Variants in MYO18A observed in about 807,000 individuals in gnomAD.
MYO18A encodes the protein unconventional myosin-XVIIIa.
In MYO18A, 78 loss-of-function variants were observed where a neutral mutation model predicts 235.8. That is an observed-to-expected ratio of 0.33 (90% confidence interval 0.28 to 0.40). MYO18A has a LOEUF of 0.40. Among genes scored for constraint, MYO18A ranks in the 10% least tolerant of loss-of-function variants. The pLI, the probability that MYO18A is intolerant of heterozygous loss-of-function variation, is 1.00. For synonymous variants in MYO18A, 977 were observed against 1,077.8 expected, an observed-to-expected ratio of 0.91 and a Z score of 1.83; for missense variants, 2,215 against 2,699.3, an observed-to-expected ratio of 0.82 and a Z score of 3.98.
chr17:29,152,865 T>C (rs1007338075), intron 2 of MYO18A, among the ~76,000 whole-genome samples: 3 of 151,066 alleles, frequency 2.0e-5, no homozygotes, highest in African/African-American at 4.9e-5. Context: ...AGGACAGGCA[T>C]GCACCACCAC....
chr17:29,136,472 T>C (rs2067606515), intron 2 of MYO18A, among the ~76,000 whole-genome samples: 1 of 152,044 alleles, frequency 6.6e-6, no homozygotes, highest in Non-Finnish European at 1.5e-5. Context: ...TGACTTGTTC[T>C]CTCTCTAGAG....
chr17:29,115,009 G>T lies in MYO18A; in HGVS notation c.2409C>A (p.Arg803=). 2 of 1,613,962 alleles carry T rather than the reference G, an allele frequency of 1.2e-6. No homozygotes were observed. Among genetic ancestry groups the T allele is most frequent in the South Asian group, 2.2e-5 (2 of 91,072 alleles). Reference sequence around the variant, plus strand: ...GGCACAGCTCCTCAAAGGAGGCTCCGCGGGCTGACCCACCCTGCTCAGGGT... The same window carrying T: ...GGCACAGCTCCTCAAAGGAGGCTCCTCGGGCTGACCCACCCTGCTCAGGGT... ...FQNPEQGGSA[R]GASFEELCHN... is the part of the protein sequence containing the mutation. Residue 803 remains arginine, a synonymous_variant, in exon 14 of 42, where the codon CGC becomes CGA. Coordinates refer to ENST00000527372, the MANE Select transcript of MYO18A (RefSeq NM_078471.4).
chr17:29,166,001 T>C lies in MYO18A; in HGVS notation c.940A>G (p.Ser314Gly), dbSNP rs1478716174. ...RLKVQPIPEL[S>G]ELSRSWLRSG... ...CGCAGCCAGCTCCTGCTGAGCTCGC[T>C]GAGCTCTGGAATGGGCTGCACCTTG... The change falls in exon 2 of 42, where the codon AGC becomes GGC. Residue 314 changes from serine (S) to glycine (G), a missense_variant. Physicochemically the swap from Ser to Gly is moderately conservative, Grantham distance 56 (BLOSUM62 0). Coordinates refer to ENST00000527372, the MANE Select transcript of MYO18A (RefSeq NM_078471.4). 2.5e-6 allele frequency: 4 copies of C among 1,613,476 alleles called. No individual in the cohort carries two copies. In the South Asian group the frequency reaches 4.4e-5, roughly 18 times the overall value.
Position 29,090,898 on chromosome 17 carries a change from C to T in MYO18A, c.5216G>A (p.Arg1739His), listed in dbSNP as rs199562933. The change falls in exon 35 of 42, where the codon CGT (arginine) becomes CAT (histidine). Residue 1739 changes from arginine (R) to histidine (H), a missense_variant. Coordinates refer to ENST00000527372, the MANE Select transcript of MYO18A (RefSeq NM_078471.4). ...CCGGTTCTGGATCTCATTCTTCTCA[C>T]GCTGAAGGCGGCTCAGCTGCTCCTC... ...ALEEQLSRLQ[R>H]EKNEIQNRLE... 365 of 1,614,014 alleles carry T rather than the reference C, an allele frequency of 2.3e-4. No homozygotes were observed. The highest frequency in any genetic ancestry group is 6.1e-4 in the African/African-American group (46 of 75,068).
rs1416320009 is a variant in MYO18A, at chr17:29,099,614, G to A, written c.3636+20C>T. ...GCCCATCTAGGTTGGGGAGGGGGAG[G>A]GATGTCTCTAGAGCAGCACCTTTCT... On this transcript the variant is annotated intron_variant, in intron 22 of 41. Coordinates refer to ENST00000527372, the MANE Select transcript of MYO18A (RefSeq NM_078471.4). 1.2e-6 allele frequency: 2 copies of A among 1,608,540 alleles called. No homozygotes were observed. Among genetic ancestry groups the A allele is most frequent in the African/African-American group, 1.3e-5 (1 of 74,876 alleles).
intron 2 of MYO18A, among the ~76,000 whole-genome samples, chr17:29,149,747 A>T (rs1878268168): frequency 6.6e-6 from 1 of 152,070 alleles, no homozygotes; most frequent in Admixed American, 6.5e-5. Context: ...GGGACTTCCA[A>T]ATTGCCTCTG....
intron 1 of MYO18A, 101 bp from the exon 2 acceptor site, chr17:29,167,122 C>G: frequency 1.2e-6 from 1 of 804,232 alleles, no homozygotes; most frequent in East Asian, 2.7e-5. Flanking sequence ...TCACTGGGTG[C>G]TAGCTATGTG....
rs1159749896 is a variant in MYO18A, at chr17:29,086,517, C to T, written c.5773G>A (p.Ala1925Thr). The change falls in exon 39 of 42, where the codon GCA becomes ACA. Residue 1925 changes from alanine (A) to threonine (T), a missense_variant. Physicochemically the swap from Ala to Thr is moderately conservative, Grantham distance 58. Transcript: ENST00000527372. ...TGCAGGTCCCCGATGCGCTTGAATGCCAACTTTAGGTCAGCCTGCAGGCTC... is the reference window on the plus strand; with the variant it reads ...TGCAGGTCCCCGATGCGCTTGAATGTCAACTTTAGGTCAGCCTGCAGGCTC... ...NQSLQADLKL[A>T]FKRIGDLQAA... 1 of 1,612,714 alleles carries T rather than the reference C, an allele frequency of 6.2e-7. No homozygotes were observed. Among genetic ancestry groups the T allele is most frequent in the African/African-American group, 1.3e-5 (1 of 74,916 alleles).
At chr17:29,156,756 G>A (rs1199322328) in intron 2 of MYO18A, among the ~76,000 whole-genome samples, 2 of 152,244 alleles carry the variant, frequency 1.3e-5, no homozygotes, top group African/African-American at 4.8e-5. Context: ...AGGCTGGGGT[G>A]TTGCCAGGTG....
At chr17:29,110,736 G>C in intron 17 of MYO18A, 114 bp from the exon 18 acceptor site, 2 of 1,085,358 alleles carry the variant, frequency 1.8e-6, no homozygotes, top group Non-Finnish European at 2.6e-6. Flanking sequence ...CCACGTCCAG[G>C]GGCCTGGCTA....
Position 29,074,017 on chromosome 17 carries a change from G to T in MYO18A, c.*753C>A. 2 of 1,614,090 alleles carry T rather than the reference G, an allele frequency of 1.2e-6. No homozygotes were observed. Among genetic ancestry groups the T allele is most frequent in the Non-Finnish European group, 1.7e-6 (2 of 1,180,018 alleles). On this transcript the variant is annotated 3_prime_UTR_variant, in exon 42 of 42. Coordinates refer to ENST00000527372, the MANE Select transcript of MYO18A (RefSeq NM_078471.4). This position sits in a 1 kb window ranked among gnomAD's most constrained non-coding sequence, Gnocchi z 4.4. ...GCTGAGACAAAGAGGGTGGGGTGGGGGCTGGAGGTGCGGATGGTCCACACA... is the reference window on the plus strand; with the variant it reads ...GCTGAGACAAAGAGGGTGGGGTGGGTGCTGGAGGTGCGGATGGTCCACACA...
Position 29,140,399 on chromosome 17 carries a change from G to A in MYO18A, c.1000-18146C>T, listed in dbSNP as rs1447616635. 1 of 1,283,246 alleles carries A rather than the reference G, an allele frequency of 7.8e-7. No homozygotes were observed. Among genetic ancestry groups the A allele is most frequent in the African/African-American group, 1.5e-5 (1 of 65,542 alleles). The allele number at this position is 1,283,246 out of a possible 1,614,324, so 79.5% of individuals were successfully genotyped here. On this transcript the variant is annotated intron_variant, in intron 2 of 41. Transcript: ENST00000527372. This position sits in a 1 kb window ranked among gnomAD's most constrained non-coding sequence, Gnocchi z 4.2. ...GAGACTCCGCTCTGATGCTGCTCTG[G>A]CTCCGTTAGCAGCTCAAAATAGCAC...
chr17:29,096,061 C>T (rs1204804459), intron 28 of MYO18A, among the ~76,000 whole-genome samples: 1 of 152,156 alleles, frequency 6.6e-6, no homozygotes, highest in Non-Finnish European at 1.5e-5. Flanking sequence ...CGGGGGTAAC[C>T]CAGGGTCACT....
At chr17:29,123,616 C>T (rs1398446515) in intron 2 of MYO18A, among the ~76,000 whole-genome samples, 1 of 152,222 alleles carries the variant, frequency 6.6e-6, no homozygotes, top group African/African-American at 2.4e-5. Flanking sequence ...TGGGCTGCAC[C>T]AGTGGCTCCC....
At chr17:29,115,184 C>T (rs1598328195) in intron 13 of MYO18A, 85 bp from the exon 14 acceptor site, 3 of 1,478,418 alleles carry the variant, frequency 2.0e-6, no homozygotes, top group East Asian at 4.8e-5. Flanking sequence ...AGACCTCTAT[C>T]CCTGCCCAGG....
Position 29,093,001 on chromosome 17 carries a change from C to T in MYO18A, c.4927G>A (p.Val1643Met), listed in dbSNP as rs776758662. The stretch of plus-strand genomic sequence containing the variant: ...TCTGACTCAAAGTCCCGCCGGTTCA[C>T]CTGGGTGGGCACCAGCAGTTGGGGT... ...EGKLATLSDQ[V>M]NRRDFESEKR... is the part of the protein sequence containing the mutation. The change falls in exon 33 of 42, where the codon GTG (valine) becomes ATG (methionine). Residue 1643 changes from valine (V) to methionine (M), a missense_variant and splice_region_variant. Val to Met is a conservative substitution (Grantham distance 21, BLOSUM62 1). Transcript: ENST00000527372. The T allele has an allele frequency of 1.2e-6, 2 of 1,612,656 alleles. No homozygotes were observed. The highest frequency in any genetic ancestry group is 1.7e-5 in the Admixed American group (1 of 59,966).
intron 37 of MYO18A, among the ~76,000 whole-genome samples, chr17:29,088,084 G>T (rs531486664): frequency 7.2e-6 from 1 of 139,198 alleles, no homozygotes; most frequent in African/African-American, 2.7e-5. Context: ...GAGACGGAGT[G>T]TCGCTGTCGC....
chr17:29,074,870 T>A lies in MYO18A; in HGVS notation c.6065A>T (p.Asp2022Val). 6.2e-7 allele frequency: 1 copy of A among 1,613,868 alleles called. No individual in the cohort carries two copies. Among genetic ancestry groups the A allele is most frequent in the South Asian group, 1.1e-5 (1 of 91,076 alleles). The change falls in exon 42 of 42, where the codon GAT becomes GTT. Residue 2022 changes from aspartate (D) to valine (V), a missense_variant. Asp to Val is a radical substitution (Grantham distance 152). Coordinates refer to ENST00000527372, the MANE Select transcript of MYO18A (RefSeq NM_078471.4). The surrounding 1 kb of genome is among the most constrained non-coding windows in gnomAD (Gnocchi z 4.4). ...WKSLAPDRSD[D>V]EHDPLDNTSR... ...GGTGTTGTCGAGAGGGTCGTGCTCATCATCTGACCGATCAGGGGCAAGGGA... is the reference window on the plus strand; with the variant it reads ...GGTGTTGTCGAGAGGGTCGTGCTCAACATCTGACCGATCAGGGGCAAGGGA...
rs572976267 is a variant in MYO18A at position 29,074,371 on chromosome 17, C to A, written c.*399G>T. The A allele has an allele frequency of 4.5e-6, 3 of 669,784 alleles. No individual in the cohort carries two copies. The highest frequency in any genetic ancestry group is 7.7e-6 in the Non-Finnish European group (3 of 391,428). The allele number at this position is 669,784 out of a possible 1,614,324, so 41.5% of individuals were successfully genotyped here. A position where few individuals can be genotyped will look rare whatever the true frequency, so the allele number is the denominator to read the frequency against. On this transcript the variant is annotated 3_prime_UTR_variant, in exon 42 of 42. Transcript: ENST00000527372. This position sits in a 1 kb window ranked among gnomAD's most constrained non-coding sequence, Gnocchi z 4.4. ...AGGGAAGGCACTGCTTCTCCTCCCC[C>A]AATCCTCCCCATGGACCCAGCAACC...
Sources: allele counts gnomAD v4.1 joint callset (sites outside exome capture counted in the v4.1 genomes callset), GRCh38; gene constraint gnomAD v4.1.1; non-coding constraint Gnocchi (gnomAD v3.1); transcripts MANE v1.5; gene names NCBI Gene and HGNC (gene_info 2026-07-23, HGNC 2026-07-21).